The following CCDC38 variants were observed in gnomAD, a reference collection of about 807,000 sequenced individuals.
The protein encoded by CCDC38 is coiled-coil domain-containing protein 38.
In CCDC38, 69 loss-of-function variants were observed where a neutral mutation model predicts 72.8. The observed-to-expected ratio is 0.95, with a 90% CI of 0.78 to 1.16. The LOEUF is 1.16. CCDC38 is among the 50% of genes most tolerant of loss of function. The pLI is 0.00. For missense variants in CCDC38, 626 were observed against 638.9 expected (o/e 0.98, Z 0.22); for synonymous variants, 201 against 213.2 (o/e 0.94, Z 0.50).
At chr12:95,882,752 C>T (rs2079715411) in intron 10 of CCDC38, among the ~76,000 whole-genome samples, 1 of 152,152 alleles carries the variant, frequency 6.6e-6, no homozygotes, top group Non-Finnish European at 1.5e-5. Context: ...TTGGGGAGAC[C>T]TCATCCATCT....
At chr12:95,891,816 A>G (rs192625440) in intron 8 of CCDC38, among the ~76,000 whole-genome samples, 1 of 152,272 alleles carries the variant, frequency 6.6e-6, no homozygotes, top group African/African-American at 2.4e-5. Flanking sequence ...TGAGAGACCT[A>G]GGGAACTCAG....
chr12:95,906,406 C>T lies in CCDC38; in HGVS notation c.350G>A (p.Arg117Lys). 1 of 1,613,028 alleles carries T rather than the reference C, an allele frequency of 6.2e-7. No individual in the cohort carries two copies. Among genetic ancestry groups the T allele is most frequent in the Non-Finnish European group, 8.5e-7 (1 of 1,179,298 alleles). Reference protein sequence around the residue: ...RTVHEFINDQRDRFLLEYALS... With the variant: ...RTVHEFINDQKDRFLLEYALS... Reference sequence around the variant, plus strand: ...TACTACCTCGAGCAGAAACCTGTCTCTCTGGTCATTAATAAATTCATGGAC... The same window carrying T: ...TACTACCTCGAGCAGAAACCTGTCTTTCTGGTCATTAATAAATTCATGGAC... The change falls in exon 5 of 16, where the codon AGA becomes AAA. Residue 117 changes from arginine (R) to lysine (K), a missense_variant. Arg to Lys is a conservative substitution (Grantham distance 26, BLOSUM62 2). Transcript: ENST00000344280.
At chr12:95,872,957 A>T (rs186918251) in intron 13 of CCDC38, among the ~76,000 whole-genome samples, 1 of 152,378 alleles carries the variant, frequency 6.6e-6, no homozygotes, top group East Asian at 1.9e-4. Flanking sequence ...GCATTACTAT[A>T]GAACACCTTG....
intron 15 of CCDC38, among the ~76,000 whole-genome samples, chr12:95,868,073 A>G (rs1470898787): frequency 6.6e-6 from 1 of 152,222 alleles, no homozygotes; most frequent in Non-Finnish European, 1.5e-5. Flanking sequence ...TTAACTGTCA[A>G]AGATCTTTGG....
rs1300729920 is a variant in CCDC38 at position 95,895,256 on chromosome 12, T to C, written c.615-110A>G. 5 of 661,282 alleles carry C rather than the reference T, an allele frequency of 7.6e-6. No homozygotes were observed. In the African/African-American group the frequency reaches 9.4e-5, roughly 12 times the overall value. 41.0% of individuals were successfully genotyped at this position (661,282 alleles called of 1,614,324 possible). ...CTTATGTACTGAATTAATAATTTAA[T>C]TATCAAAAAGGATAAATATGGCCAT... On this transcript the variant is annotated intron_variant, in intron 7 of 15. Transcript: ENST00000344280.
chr12:95,894,707 A>G (rs1302380543), intron 8 of CCDC38, among the ~76,000 whole-genome samples: 1 of 152,174 alleles, frequency 6.6e-6, no homozygotes, highest in Admixed American at 6.5e-5. Context: ...CACTGGCACC[A>G]CACTTCTTGT....
rs1417774199 is a variant in CCDC38, at chr12:95,906,561, A to C, written c.305-110T>G. ...TTCTACAGTATGTATCTGATCTTTT[A>C]AAAATACTATATCTTGAAATAAACC... On this transcript the variant is annotated intron_variant, in intron 4 of 15. Coordinates refer to ENST00000344280, the MANE Select transcript of CCDC38 (RefSeq NM_182496.3). 4.3e-6 allele frequency: 3 copies of C among 704,922 alleles called. No individual in the cohort carries two copies. In the African/African-American group the frequency reaches 5.5e-5, roughly 13 times the overall value. The allele number at this position is 704,922 out of a possible 1,614,324, so 43.7% of individuals were successfully genotyped here.
chr12:95,933,367 T>C (rs1185582389), intron 2 of CCDC38: 1 of 151,380 alleles, frequency 6.6e-6, no homozygotes, highest in South Asian at 2.1e-4. Context: ...TAAAGAAAAA[T>C]AGAAAAAAGA....
intron 2 of CCDC38, among the ~76,000 whole-genome samples, chr12:95,929,915 T>A (rs1039784176): frequency 1.3e-5 from 2 of 152,134 alleles, no homozygotes; most frequent in African/African-American, 4.8e-5. Flanking sequence ...GCTCTAGACA[T>A]TCATTGGCTG....
chr12:95,873,862 C>G (rs2079607982), intron 13 of CCDC38, among the ~76,000 whole-genome samples: 1 of 152,216 alleles, frequency 6.6e-6, no homozygotes, highest in Non-Finnish European at 1.5e-5. Context: ...TCTTCCACCT[C>G]CTAGCTTAAA....
chr12:95,904,512 A>G (rs1046140918), intron 5 of CCDC38, among the ~76,000 whole-genome samples: 16 of 152,266 alleles, frequency 1.1e-4, no homozygotes, highest in Admixed American at 9.8e-4. Context: ...GAAGAGACCC[A>G]TAAGGCAGAG....
At chr12:95,882,322 C>T (rs1200544067) in intron 10 of CCDC38, among the ~76,000 whole-genome samples, 2 of 151,732 alleles carry the variant, frequency 1.3e-5, no homozygotes, top group African/African-American at 4.8e-5. Context: ...TCATGGGAAC[C>T]AAAAATAGAA....
chr12:95,888,205 G>A (rs1024336454), intron 10 of CCDC38, among the ~76,000 whole-genome samples: 3 of 152,170 alleles, frequency 2.0e-5, no homozygotes, highest in Non-Finnish European at 4.4e-5. Context: ...TAGGGCAGTG[G>A]GTTCTGAGAA....
At chr12:95,910,725 A>G (rs1229664115) in intron 4 of CCDC38, among the ~76,000 whole-genome samples, 1 of 152,152 alleles carries the variant, frequency 6.6e-6, no homozygotes, top group African/African-American at 2.4e-5. Flanking sequence ...TTAGTTGAGC[A>G]TGGTTGTGCG....
intron 13 of CCDC38, among the ~76,000 whole-genome samples, chr12:95,873,933 A>C (rs1473330609): frequency 6.6e-6 from 1 of 152,244 alleles, no homozygotes; most frequent in Admixed American, 6.5e-5. Context: ...GGTAACACTT[A>C]TTATATTTCC....
chr12:95,928,519 G>A (rs1485512234), intron 2 of CCDC38, among the ~76,000 whole-genome samples: 2 of 152,222 alleles, frequency 1.3e-5, no homozygotes, highest in African/African-American at 4.8e-5. Flanking sequence ...TTGATCATCT[G>A]AAGCCTTCTT....
At position 95,872,261 on chromosome 12, in the gene CCDC38, C is replaced by G. The variant is rs75483222; in HGVS notation, c.1478G>C (p.Arg493Pro). ...TTATCCTTATTGACTGTACTTTTGC[C>G]GCCATTCTTTCTGTTTCATCCTCTC... ...AIERMKQKEWRQKFRDEKMKE... is the reference protein window; with the variant it reads ...AIERMKQKEWPQKFRDEKMKE... The change falls in exon 14 of 16, where the codon CGG becomes CCG. Residue 493 changes from arginine to proline, a missense_variant. By Grantham distance (103) the Arg-to-Pro change is moderately radical (BLOSUM62 -2). Coordinates refer to ENST00000344280, the MANE Select transcript of CCDC38 (RefSeq NM_182496.3). 3.7e-6 allele frequency: 6 copies of G among 1,614,042 alleles called. No homozygotes were observed. The highest frequency in any genetic ancestry group is 2.2e-5 in the East Asian group (1 of 44,866).
intron 5 of CCDC38, 71 bp downstream of exon 5, chr12:95,906,316 A>G (rs1291004495): frequency 9.0e-7 from 1 of 1,115,296 alleles, no homozygotes; most frequent in African/African-American, 1.6e-5. Context: ...GCAAAATGTC[A>G]AGGTAAATAT....
At chr12:95,896,013 G>A (rs1304960329) in intron 7 of CCDC38, among the ~76,000 whole-genome samples, 11 of 143,408 alleles carry the variant, frequency 7.7e-5, no homozygotes, top group African/African-American at 1.9e-4. Flanking sequence ...CTGAGATCAC[G>A]TCACTGCACT....
Sources: allele counts gnomAD v4.1 joint callset (sites outside exome capture counted in the v4.1 genomes callset), GRCh38; gene constraint gnomAD v4.1.1; transcripts MANE v1.5; gene names NCBI Gene and HGNC (gene_info 2026-07-23, HGNC 2026-07-21).